Variants in TPR observed in about 807,000 individuals in gnomAD.
The protein encoded by TPR is translocated promoter region, nuclear basket protein, also known as nucleoprotein TPR.
TPR carries 51 observed loss-of-function variants against 316.1 expected under a neutral mutation model. That is an observed-to-expected ratio of 0.16 (90% CI 0.13 to 0.20). The LOEUF is 0.20. TPR is among the 10% of genes least tolerant of loss of function. TPR has a pLI of 1.00. For synonymous variants in TPR, 981 were observed against 914.7 expected (o/e 1.07, Z -1.31); for missense variants, 2,272 against 2,754.8 (o/e 0.82, Z 3.92).
chr1:186,354,390 A>G (rs1049044724), intron 17 of TPR, among the ~76,000 whole-genome samples: 1 of 152,238 alleles, frequency 6.6e-6, no homozygotes, highest in African/African-American at 2.4e-5. Flanking sequence ...GTTATTATAC[A>G]GGGTTAGTGA....
intron 45 of TPR, among the ~76,000 whole-genome samples, chr1:186,322,032 T>G (rs893039280): frequency 8.5e-5 from 13 of 152,224 alleles, no homozygotes; most frequent in African/African-American, 3.1e-4. Flanking sequence ...TAGTAAACAG[T>G]AGAGTTAGGT....
chr1:186,349,904 C>T (rs925326562), intron 21 of TPR, among the ~76,000 whole-genome samples: 17 of 151,902 alleles, frequency 1.1e-4, no homozygotes, highest in Non-Finnish European at 1.2e-4. Context: ...CCAAGGGGCC[C>T]GGGTTAAAAA....
At chr1:186,371,868 G>A (rs986952452) in intron 2 of TPR, among the ~76,000 whole-genome samples, 5 of 151,898 alleles carry the variant, frequency 3.3e-5, no homozygotes, top group Admixed American at 1.3e-4. Context: ...ACACACGCGC[G>A]CACACATTAA....
intron 45 of TPR, among the ~76,000 whole-genome samples, chr1:186,320,893 C>T (rs1657757801): frequency 2.0e-5 from 3 of 152,192 alleles, no homozygotes; most frequent in Admixed American, 1.3e-4. Flanking sequence ...TATTAGATAG[C>T]TAAAAACTTG....
In TPR at chr1:186,313,641, T is replaced by C; in HGVS notation, c.*330A>G. On this transcript the variant is annotated 3_prime_UTR_variant, in exon 51 of 51. Coordinates refer to ENST00000367478, the MANE Select transcript of TPR (RefSeq NM_003292.3). ...AAGTTATTTTTTAGTTTGGGCATTG[T>C]TTTCTTTTTAACTAAAAAAATGTTT... is the stretch of plus-strand genomic sequence containing the variant. 1 of 1,249,424 alleles carries C rather than the reference T, an allele frequency of 8.0e-7. No homozygotes were observed. Among genetic ancestry groups the C allele is most frequent in the Non-Finnish European group, 1.2e-6 (1 of 848,104 alleles). The allele number at this position is 1,249,424 out of a possible 1,614,324, so 77.4% of individuals were successfully genotyped here. A position where few individuals can be genotyped will look rare whatever the true frequency, so the allele number is the denominator to read the frequency against.
intron 40 of TPR, among the ~76,000 whole-genome samples, chr1:186,326,675 C>T (rs1657942731): frequency 6.6e-6 from 1 of 151,500 alleles, no homozygotes; most frequent in African/African-American, 2.4e-5. Flanking sequence ...ATATAAAATA[C>T]ACTTTATATA....
intron 27 of TPR, 192 bp from the exon 28 acceptor site, chr1:186,341,581 G>C (rs1658506950): frequency 3.9e-6 from 2 of 512,138 alleles, no homozygotes; most frequent in South Asian, 3.5e-5. Context: ...ACAAATACAA[G>C]AATTACAAAG....
At position 186,346,347 on chromosome 1, in the gene TPR, A is replaced by C; in HGVS notation, c.2944-60T>G. 4 of 1,467,868 alleles carry C rather than the reference A, an allele frequency of 2.7e-6. No homozygotes were observed. The South Asian group carries it at 4.3e-5, about 16-fold the overall frequency. 90.9% of individuals were successfully genotyped at this position (1,467,868 alleles called of 1,614,324 possible). A position where few individuals can be genotyped will look rare whatever the true frequency, so the allele number is the denominator to read the frequency against. ...TACACACATTTAAAGTCATACAATTATTTTCTCCAAATCAAAACTAATTTG... is the reference window on the plus strand; with the variant it reads ...TACACACATTTAAAGTCATACAATTCTTTTCTCCAAATCAAAACTAATTTG... On this transcript the variant is annotated intron_variant, in intron 22 of 50. Transcript: ENST00000367478.
intron 49 of TPR, 35 bp from the exon 50 acceptor site, chr1:186,314,759 G>GA (rs772955281): frequency 1.4e-6 from 2 of 1,384,070 alleles, no homozygotes; most frequent in South Asian, 1.2e-5. Context: ...AAAAGCAAGT[G>GA]AAAAAATGAG....
intron 10 of TPR, 82 bp downstream of exon 10, chr1:186,360,683 A>T: frequency 1.1e-5 from 17 of 1,554,800 alleles, no homozygotes; most frequent in Non-Finnish European, 1.3e-5. Flanking sequence ...ATGACAGATA[A>T]ATACTATTAG....
Position 186,353,733 on chromosome 1 carries a change from C to T in TPR, c.2289G>A (p.Met763Ile). Residue 763 changes from methionine (M) to isoleucine (I), a missense_variant, in exon 18 of 51, where the codon ATG becomes ATA. Physicochemically the swap from Met to Ile is conservative, Grantham distance 10. Around this residue, in one of 10 missense-constraint regions of TPR, gnomAD observed 757 missense variants for 859.8 expected, o/e 0.88. Coordinates refer to ENST00000367478, the MANE Select transcript of TPR (RefSeq NM_003292.3). ...TQKQEQIINT[M>I]TQDLRGANEK... ...CATTTGCTCCTCTCAAATCTTGAGT[C>T]ATCGTATTGATAATCTGTTCTTGCT... 1.2e-6 allele frequency: 2 copies of T among 1,614,120 alleles called. No homozygotes were observed. Among genetic ancestry groups the T allele is most frequent in the African/African-American group, 2.7e-5 (2 of 75,066 alleles).
intron 40 of TPR, 21 bp from the exon 41 acceptor site, chr1:186,326,256 C>T: frequency 6.3e-7 from 1 of 1,589,596 alleles, no homozygotes; most frequent in Admixed American, 1.7e-5. Flanking sequence ...GTTCCCCAGG[C>T]ATAAATAAAA....
At chr1:186,367,060 CTTTTTTTTTTTTTT>C (rs71104854) in intron 4 of TPR, among the ~76,000 whole-genome samples, 1 of 89,568 alleles carries the variant, frequency 1.1e-5, no homozygotes, top group African/African-American at 4.2e-5. Context: ...CCCAAAACAC[CTTTTTTTTTTTTTT>C]TTTTTTTTTT....
At position 186,353,970 on chromosome 1, in the gene TPR, C is replaced by T. The variant is rs980411772; in HGVS notation, c.2172-120G>A. On this transcript the variant is annotated intron_variant, in intron 17 of 50. Coordinates refer to ENST00000367478, the MANE Select transcript of TPR (RefSeq NM_003292.3). Reference sequence around the variant, plus strand: ...ATGCCCTGAGAATATTGTCTCTAATCCTAATGTAACATCATACATATTTCT... The same window carrying T: ...ATGCCCTGAGAATATTGTCTCTAATTCTAATGTAACATCATACATATTTCT... 3 of 783,600 alleles carry T rather than the reference C, an allele frequency of 3.8e-6. No homozygotes were observed. The Admixed American group carries it at 8.9e-5, about 23-fold the overall frequency. The allele number at this position is 783,600 out of a possible 1,614,324, so 48.5% of individuals were successfully genotyped here. A position where few individuals can be genotyped will look rare whatever the true frequency, so the allele number is the denominator to read the frequency against.
intron 12 of TPR, among the ~76,000 whole-genome samples, chr1:186,359,241 G>A (rs1659112905): frequency 6.6e-6 from 1 of 152,078 alleles, no homozygotes; most frequent in Non-Finnish European, 1.5e-5. Flanking sequence ...AACATTCAGA[G>A]TATAACCTCT....
At chr1:186,326,517 T>C (rs1457846359) in intron 40 of TPR, among the ~76,000 whole-genome samples, 1 of 152,132 alleles carries the variant, frequency 6.6e-6, no homozygotes, top group Non-Finnish European at 1.5e-5. Context: ...TGGTCCAGTT[T>C]AATTCTAAAT....
At chr1:186,363,639 C>A (rs1193450021) in intron 4 of TPR, among the ~76,000 whole-genome samples, 194 bp from the exon 5 acceptor site, 4 of 151,776 alleles carry the variant, frequency 2.6e-5, no homozygotes, top group African/African-American at 7.3e-5. Context: ...AATTTTTTCC[C>A]AAAAACTTAC....
Position 186,353,346 on chromosome 1 carries a change from T to C in TPR, c.2334+342A>G, listed in dbSNP as rs182955683. Among the ~76,000 whole-genome samples the C allele has an allele frequency of 1.9e-3, 283 of 148,930 alleles. 2 individuals are homozygous for C. The highest frequency in any genetic ancestry group is 6.6e-3 in the African/African-American group (267 of 40,248). On this transcript the variant is annotated intron_variant, in intron 18 of 50. Coordinates refer to ENST00000367478, the MANE Select transcript of TPR (RefSeq NM_003292.3). ...AAGATCGTGCCACTGCACTCCAGCC[T>C]GGGCGACAGAGTGAGACTCTGTCTC...
chr1:186,360,448 T>C (rs1232209502), intron 10 of TPR, 84 bp from the exon 11 acceptor site: 8 of 1,356,228 alleles, frequency 5.9e-6, no homozygotes, highest in Non-Finnish European at 7.2e-6. Context: ...AAGTGACATG[T>C]ACTGTACATT....
Sources: gnomAD v4.1 joint callset for allele counts (sites outside exome capture counted in the v4.1 genomes callset) on GRCh38, gnomAD v4.1.1 for gene constraint, gnomAD v4.1.1 regional missense constraint, MANE v1.5 for transcripts, NCBI Gene and HGNC (gene_info 2026-07-23, HGNC 2026-07-21) for gene names.